The following NR2F1-AS1 variants were observed in gnomAD, a reference collection of about 807,000 sequenced individuals.
The protein encoded by NR2F1-AS1 is NR2F1 antisense RNA 1.
chr5:93,538,351 G>A (rs1262564401), intron 4 of NR2F1-AS1, among the ~76,000 whole-genome samples: 4 of 152,062 alleles, frequency 2.6e-5, no homozygotes. Context: ...GCATGGGCCT[G>A]TAGTCCCCCA....
At chr5:93,417,420 G>A (rs1326844409) in intron 4 of NR2F1-AS1, among the ~76,000 whole-genome samples, 1 of 152,212 alleles carries the variant, frequency 6.6e-6, no homozygotes, top group East Asian at 1.9e-4. Context: ...CAGATAAAGA[G>A]TGCCTATAAT....
At chr5:93,508,911 G>A (rs1474547684) in intron 4 of NR2F1-AS1, among the ~76,000 whole-genome samples, 1 of 152,020 alleles carries the variant, frequency 6.6e-6, no homozygotes, top group Non-Finnish European at 1.5e-5. Context: ...ACCCACTGCT[G>A]GTGAAACATA....
intron 4 of NR2F1-AS1, among the ~76,000 whole-genome samples, chr5:93,425,875 A>G (rs1219582693): frequency 6.6e-6 from 1 of 152,206 alleles, no homozygotes; most frequent in Admixed American, 6.6e-5. Flanking sequence ...AGCATCTAGC[A>G]CAATGTCTGG....
At chr5:93,533,230 A>AT (rs1217979915) in intron 4 of NR2F1-AS1, among the ~76,000 whole-genome samples, 1 of 151,670 alleles carries the variant, frequency 6.6e-6, no homozygotes, top group African/African-American at 2.4e-5. Context: ...ATGTGGCCAG[A>AT]TTTTTTTTTA....
chr5:93,546,062 GTA>G (rs1752078208), intron 4 of NR2F1-AS1, among the ~76,000 whole-genome samples: 1 of 152,162 alleles, frequency 6.6e-6, no homozygotes, highest in African/African-American at 2.4e-5. Context: ...CTTAGTGGTT[GTA>G]TAACTGTGGG....
intron 4 of NR2F1-AS1, among the ~76,000 whole-genome samples, chr5:93,452,534 GA>G (rs2149858340): frequency 6.6e-6 from 1 of 152,266 alleles, no homozygotes; most frequent in Admixed American, 6.5e-5. Context: ...TAGCTAAATG[GA>G]AAGAGAACTC....
At chr5:93,581,895 T>G (rs1753092256), upstream of NR2F1-AS1, among the ~76,000 whole-genome samples, 1 of 102,844 alleles carries the variant, frequency 9.7e-6, no homozygotes, top group Non-Finnish European at 1.9e-5. Flanking sequence ...TCGGTCTCTC[T>G]CTCTCTCTCT....
intron 4 of NR2F1-AS1, among the ~76,000 whole-genome samples, chr5:93,512,283 A>C (rs2149891288): frequency 6.6e-6 from 1 of 152,304 alleles, no homozygotes; most frequent in African/African-American, 2.4e-5. Flanking sequence ...ACAGTAAAAA[A>C]ATTAAAAATA....
At chr5:93,462,351 G>A (rs532322158) in intron 4 of NR2F1-AS1, among the ~76,000 whole-genome samples, 37 of 152,284 alleles carry the variant, frequency 2.4e-4, no homozygotes, top group African/African-American at 4.3e-4. Flanking sequence ...CATGTGAGAT[G>A]TGCCTTTTAC....
At chr5:93,584,225 G>T (rs1753181882), upstream of NR2F1-AS1, 1 of 148,738 alleles carries the variant, frequency 6.7e-6, no homozygotes, top group Middle Eastern at 3.4e-3. Context: ...ACTCCTGCTC[G>T]GACTCCGGCC....
At chr5:93,570,782 C>A (rs1031254431) in intron 1 of NR2F1-AS1, 2 of 152,244 alleles carry the variant, frequency 1.3e-5, no homozygotes, top group South Asian at 2.1e-4. Flanking sequence ...CGCGGGGGAC[C>A]GCACTAGCGT....
chr5:93,451,320 G>GAA (rs35059457), intron 4 of NR2F1-AS1, among the ~76,000 whole-genome samples: 59 of 78,674 alleles, frequency 7.5e-4, no homozygotes, highest in Middle Eastern at 7.0e-3. Flanking sequence ...TAGGGTTTTT[G>GAA]AAAAAAAAAA....
intron 4 of NR2F1-AS1, among the ~76,000 whole-genome samples, chr5:93,540,363 A>G (rs1169249764): frequency 1.3e-5 from 2 of 152,134 alleles, no homozygotes; most frequent in African/African-American, 4.8e-5. Context: ...GTTCTCCAAA[A>G]AGATGTTTCT....
upstream of NR2F1-AS1, among the ~76,000 whole-genome samples, chr5:93,581,920 C>G (rs1317531409): frequency 1.7e-5 from 2 of 120,824 alleles, no homozygotes; most frequent in African/African-American, 3.2e-5. Context: ...CTCTCTCTCT[C>G]TCTCTCTCTC....
intron 4 of NR2F1-AS1, among the ~76,000 whole-genome samples, chr5:93,532,605 C>T (rs928104265): frequency 5.9e-5 from 9 of 152,192 alleles, no homozygotes; most frequent in Non-Finnish European, 1.0e-4. Context: ...TCATAGTTTA[C>T]GAATTTGAAG....
At chr5:93,543,364 T>G (rs1751998786) in intron 4 of NR2F1-AS1, 1 of 152,190 alleles carries the variant, frequency 6.6e-6, no homozygotes, top group Non-Finnish European at 1.5e-5. Context: ...ATGGCATGAT[T>G]GAAAATATCT....
intron 4 of NR2F1-AS1, among the ~76,000 whole-genome samples, chr5:93,462,794 C>A (rs1347107093): frequency 6.6e-6 from 1 of 152,140 alleles, no homozygotes; most frequent in Non-Finnish European, 1.5e-5. Context: ...CCACTGCCAC[C>A]AGATTTGTAG....
intron 4 of NR2F1-AS1, among the ~76,000 whole-genome samples, chr5:93,479,960 G>A (rs1235981865): frequency 1.3e-5 from 2 of 151,648 alleles, no homozygotes; most frequent in African/African-American, 4.8e-5. Flanking sequence ...CTTGAAGACA[G>A]AACAATTATA....
At chr5:93,474,000 G>A (rs1750428093) in intron 4 of NR2F1-AS1, among the ~76,000 whole-genome samples, 1 of 151,740 alleles carries the variant, frequency 6.6e-6, no homozygotes, top group Non-Finnish European at 1.5e-5. Flanking sequence ...AATAAACAGA[G>A]CTAAAAGATA....
Sources: gnomAD v4.1 joint callset for allele counts (sites outside exome capture counted in the v4.1 genomes callset) on GRCh38, gnomAD v4.1.1 for gene constraint, MANE v1.5 for transcripts, NCBI Gene and HGNC (gene_info 2026-07-23, HGNC 2026-07-21) for gene names.